Variants in VTI1B observed in about 807,000 individuals in gnomAD.
VTI1B encodes the protein vesicle transport through interaction with t-SNAREs 1B, also known as vesicle transport through interaction with t-SNAREs homolog 1B.
In VTI1B, 18 loss-of-function variants were observed where a neutral mutation model predicts 28.6. That is an observed-to-expected ratio of 0.63 (90% CI 0.43 to 0.93). The LOEUF (loss-of-function observed/expected upper bound fraction) is 0.93, where lower values mean the gene tolerates loss of function less well. Ranked by LOEUF, VTI1B falls within the 40% of genes least tolerant of loss-of-function variation. The pLI is 0.00. For synonymous variants in VTI1B, 100 were observed against 107.9 expected (o/e 0.93, Z 0.46); for missense variants, 283 against 297.0 (o/e 0.95, Z 0.35).
chr14:67,659,493 G>A (rs1198235123), intron 3 of VTI1B, among the ~76,000 whole-genome samples: 2 of 151,256 alleles, frequency 1.3e-5, no homozygotes, highest in Non-Finnish European at 2.9e-5. Flanking sequence ...TTATAAGACT[G>A]TATTATATTA....
intron 1 of VTI1B, 36 bp from the exon 2 acceptor site, chr14:67,662,571 T>C (rs757595533): frequency 1.3e-5 from 20 of 1,565,130 alleles, no homozygotes; most frequent in Admixed American, 1.1e-4. Context: ...TGCTTATTAC[T>C]GTTTCCACAC....
chr14:67,669,738 T>C (rs11849521), intron 1 of VTI1B, among the ~76,000 whole-genome samples: 68,395 of 152,008 alleles, frequency 0.45, 17,935 homozygotes, highest in Non-Finnish European at 0.61. Context: ...AGTGAAAAAA[T>C]GCAGACACCC....
chr14:67,655,283 C>T lies in VTI1B; in HGVS notation c.540+1133G>A, dbSNP rs548023103. The stretch of plus-strand genomic sequence containing the variant: ...TTGAAGCTACAGTAAGTTAAAATTG[C>T]ACTGCTGCACTCCAGCCTGGGTGAC... On this transcript the variant is annotated intron_variant, in intron 4 of 5. Coordinates refer to ENST00000554659, the MANE Select transcript of VTI1B (RefSeq NM_006370.3). Among the ~76,000 whole-genome samples the T allele has an allele frequency of 2.0e-5, 3 of 152,162 alleles. No homozygotes were observed. The South Asian group carries it at 6.2e-4, about 32-fold the overall frequency.
Position 67,647,179 on chromosome 14 carries a change from CAT to C in VTI1B, c.*4204_*4205del. On this transcript the variant is annotated 3_prime_UTR_variant, in exon 6 of 6. Transcript: ENST00000554659. Reference sequence around the variant, plus strand: ...GAAAGGCAAAATTTGAAACACAGGTCATATTCTTCCTCTGGGGTTTTTGGGAG... The same window carrying C: ...GAAAGGCAAAATTTGAAACACAGGTCATTCTTCCTCTGGGGTTTTTGGGAG... The C allele has an allele frequency of 1.8e-6, 1 of 544,284 alleles. No individual in the cohort carries two copies. Among genetic ancestry groups the C allele is most frequent in the East Asian group, 3.0e-5 (1 of 33,660 alleles). 33.7% of individuals were successfully genotyped at this position (544,284 alleles called of 1,614,324 possible).
intron 3 of VTI1B, among the ~76,000 whole-genome samples, chr14:67,656,795 C>A (rs1350853274): frequency 2.0e-5 from 3 of 152,126 alleles, no homozygotes; most frequent in African/African-American, 7.2e-5. Context: ...GATCACAATA[C>A]CCCCACTCCA....
intron 4 of VTI1B, among the ~76,000 whole-genome samples, chr14:67,654,288 A>G (rs1482987218): frequency 6.7e-6 from 1 of 149,128 alleles, no homozygotes; most frequent in East Asian, 2.0e-4. Context: ...GATTTTTAGT[A>G]GAGATGAGGT....
rs750935120 is a variant in VTI1B, at chr14:67,651,373, C to T, written c.*12G>A. 1 of 1,613,584 alleles carries T rather than the reference C, an allele frequency of 6.2e-7. No homozygotes were observed. Among genetic ancestry groups the T allele is most frequent in the Non-Finnish European group, 8.5e-7 (1 of 1,179,626 alleles). On this transcript the variant is annotated 3_prime_UTR_variant, in exon 6 of 6. Coordinates refer to ENST00000554659, the MANE Select transcript of VTI1B (RefSeq NM_006370.3). The stretch of plus-strand genomic sequence containing the variant: ...TCAAAGTTCTGGTCCACAAACCCTT[C>T]CCTATAGAAGTTCAATGGCTGCGAA...
chr14:67,671,940 C>T (rs953211652), intron 1 of VTI1B, among the ~76,000 whole-genome samples: 8 of 152,164 alleles, frequency 5.3e-5, no homozygotes, highest in African/African-American at 1.9e-4. Context: ...ATGGGTCCCA[C>T]CTCTTAATGC....
chr14:67,659,761 A>T lies in VTI1B; in HGVS notation c.336T>A (p.Tyr112Ter). 6.2e-7 allele frequency: 1 copy of T among 1,613,572 alleles called. No individual in the cohort carries two copies. Among genetic ancestry groups the T allele is most frequent in the Non-Finnish European group, 8.5e-7 (1 of 1,179,862 alleles). Reference protein sequence around the residue: ...ATPGGRGDMKYGIYAVENEHM... With the variant: ...ATPGGRGDMK ...GCTCATTCTCTACAGCATATATGCCATATTTCATGTCTCCTCGGCCTCCAG... is the reference window on the plus strand; with the variant it reads ...GCTCATTCTCTACAGCATATATGCCTTATTTCATGTCTCCTCGGCCTCCAG... Residue 112 changes from tyrosine to a stop codon, truncating the protein, a stop_gained, in exon 3 of 6, where the codon TAT becomes TAA. Coordinates refer to ENST00000554659, the MANE Select transcript of VTI1B (RefSeq NM_006370.3). LOFTEE classifies it high-confidence loss of function.
At position 67,649,633 on chromosome 14, in the gene VTI1B, A is replaced by G. The variant is rs1318715989; in HGVS notation, c.*1752T>C. 1 of 152,194 alleles carries G rather than the reference A, an allele frequency of 6.6e-6. No homozygotes were observed. The highest frequency in any genetic ancestry group is 1.9e-4 in the East Asian group (1 of 5,194). The allele number at this position is 152,194 out of a possible 1,614,324, so 9.4% of individuals were successfully genotyped here. On this transcript the variant is annotated 3_prime_UTR_variant, in exon 6 of 6. Transcript: ENST00000554659. Reference sequence around the variant, plus strand: ...CAGGTCCATGTGCAGGAAATGATGGAAATGCTACAGTAATACACCTGTTGG... The same window carrying G: ...CAGGTCCATGTGCAGGAAATGATGGGAATGCTACAGTAATACACCTGTTGG...
intron 3 of VTI1B, among the ~76,000 whole-genome samples, chr14:67,658,528 T>C (rs1350776746): frequency 6.6e-6 from 1 of 151,792 alleles, no homozygotes; most frequent in Non-Finnish European, 1.5e-5. Flanking sequence ...ACCCGGGAGG[T>C]GGAGCTTGCA....
chr14:67,662,689 A>G (rs1310186709), intron 1 of VTI1B, among the ~76,000 whole-genome samples, 154 bp from the exon 2 acceptor site: 3 of 152,136 alleles, frequency 2.0e-5, no homozygotes, highest in Non-Finnish European at 4.4e-5. Context: ...GTGGATCACA[A>G]GGTCAGGAGT....
chr14:67,647,798 T>A lies in VTI1B; in HGVS notation c.*3587A>T. 4 of 473,622 alleles carry A rather than the reference T, an allele frequency of 8.4e-6. No individual in the cohort carries two copies. The South Asian group carries it at 1.2e-4, about 14-fold the overall frequency. The allele number at this position is 473,622 out of a possible 1,614,324, so 29.3% of individuals were successfully genotyped here. Reference sequence around the variant, plus strand: ...ACCCAGTGTAAGGCAGAAATATACATTGGAGTTAGTCTGTCTGAGGTATGC... The same window carrying A: ...ACCCAGTGTAAGGCAGAAATATACAATGGAGTTAGTCTGTCTGAGGTATGC... On this transcript the variant is annotated 3_prime_UTR_variant, in exon 6 of 6. Transcript: ENST00000554659.
chr14:67,667,632 C>T (rs139301940), intron 1 of VTI1B, among the ~76,000 whole-genome samples: 37 of 152,262 alleles, frequency 2.4e-4, no homozygotes, highest in African/African-American at 7.9e-4. Flanking sequence ...AGAGCAAAAA[C>T]CAAATTCAGT....
chr14:67,673,588 T>C (rs2037496436), intron 1 of VTI1B, among the ~76,000 whole-genome samples: 1 of 152,176 alleles, frequency 6.6e-6, no homozygotes, highest in African/African-American at 2.4e-5. Context: ...AAATATATAT[T>C]AAATACATGA....
chr14:67,670,888 T>C (rs567564976), intron 1 of VTI1B, among the ~76,000 whole-genome samples: 1 of 151,958 alleles, frequency 6.6e-6, no homozygotes, highest in African/African-American at 2.4e-5. Context: ...GGCTGATACA[T>C]AATAATTCTC....
chr14:67,667,938 C>T (rs1466275927), intron 1 of VTI1B, among the ~76,000 whole-genome samples: 1 of 151,996 alleles, frequency 6.6e-6, no homozygotes, highest in African/African-American at 2.4e-5. Context: ...AGCAACACTC[C>T]ATCTCAAAAA....
chr14:67,664,273 C>T (rs1036060615), intron 1 of VTI1B, among the ~76,000 whole-genome samples: 2 of 152,126 alleles, frequency 1.3e-5, no homozygotes, highest in Admixed American at 1.3e-4. Flanking sequence ...ACTGAAATTC[C>T]GTACCCATCA....
At chr14:67,659,456 T>C (rs527936660) in intron 3 of VTI1B, among the ~76,000 whole-genome samples, 1 of 151,734 alleles carries the variant, frequency 6.6e-6, no homozygotes, top group Admixed American at 6.6e-5. Flanking sequence ...TACATTCTAC[T>C]ACATACAAAG....
Sources: gnomAD v4.1 joint callset for allele counts (sites outside exome capture counted in the v4.1 genomes callset) on GRCh38, gnomAD v4.1.1 for gene constraint, MANE v1.5 for transcripts, NCBI Gene and HGNC (gene_info 2026-07-23, HGNC 2026-07-21) for gene names.